CISD3: variants seen among roughly 807,000 people sequenced by gnomAD.
The protein encoded by CISD3 is CDGSH iron-sulfur domain-containing protein 3, mitochondrial.
Under a neutral mutation model 14.1 loss-of-function variants are expected in CISD3, and 11 were observed. The observed-to-expected ratio is 0.78, with a 90% CI of 0.49 to 1.29. The LOEUF is 1.29. CISD3 is among the 50% of genes most tolerant of loss of function. The pLI is 0.00. For synonymous variants in CISD3, 53 were observed against 69.2 expected (o/e 0.77, Z 1.16); for missense variants, 156 against 171.6 (o/e 0.91, Z 0.51).
At chr17:38,732,366 G>A (rs557019694) in intron 3 of CISD3, among the ~76,000 whole-genome samples, 1 of 152,268 alleles carries the variant, frequency 6.6e-6, no homozygotes, top group East Asian at 1.9e-4. Context: ...CAGGCGAGGT[G>A]GCTCACCTGT....
intron 2 of CISD3, 100 bp from the exon 3 acceptor site, chr17:38,731,220 C>A: frequency 6.8e-7 from 1 of 1,466,392 alleles, no homozygotes; most frequent in Non-Finnish European, 9.1e-7. Context: ...AGGAAACCTG[C>A]CACACACACA....
chr17:38,732,115 C>T (rs919919580), intron 3 of CISD3, among the ~76,000 whole-genome samples: 2 of 152,162 alleles, frequency 1.3e-5, no homozygotes, highest in Non-Finnish European at 2.9e-5. Context: ...AGGAGCCTTT[C>T]GTCCCAGCAG....
intron 1 of CISD3, 159 bp from the exon 2 acceptor site, chr17:38,730,601 G>C: frequency 1.2e-6 from 1 of 864,990 alleles, no homozygotes; most frequent in East Asian, 2.7e-5. Flanking sequence ...ACCTTCTCTT[G>C]CGACCTTTTT....
chr17:38,731,703 T>C lies in CISD3; in HGVS notation c.204+264T>C, dbSNP rs1906342144. 6 of 488,170 alleles carry C rather than the reference T, an allele frequency of 1.2e-5. No individual in the cohort carries two copies. In the East Asian group the frequency reaches 2.1e-4, roughly 17 times the overall value. 30.2% of individuals were successfully genotyped at this position (488,170 alleles called of 1,614,324 possible). A position where few individuals can be genotyped will look rare whatever the true frequency, so the allele number is the denominator to read the frequency against. ...CAGTGGGCTCTTCTGGAGCTGTTTG[T>C]TTCTCAGAGGTGCACTGCATGGCGA... On this transcript the variant is annotated intron_variant, in intron 3 of 3. Coordinates refer to ENST00000613478, the MANE Select transcript of CISD3 (RefSeq NM_001136498.2).
Position 38,734,422 on chromosome 17 carries a change from G to A in CISD3, c.*967G>A, listed in dbSNP as rs1450816491. 2 of 152,158 alleles carry A rather than the reference G, an allele frequency of 1.3e-5. No homozygotes were observed. Among genetic ancestry groups the A allele is most frequent in the Non-Finnish European group, 2.9e-5 (2 of 68,036 alleles). The allele number at this position is 152,158 out of a possible 1,614,324, so 9.4% of individuals were successfully genotyped here. On this transcript the variant is annotated 3_prime_UTR_variant, in exon 4 of 4. Coordinates refer to ENST00000613478, the MANE Select transcript of CISD3 (RefSeq NM_001136498.2). Reference sequence around the variant, plus strand: ...TGAGGGTAAGGTTGGTGGGGGTGCAGCGCTTCACAATGCTAAAGCCTTAGC... The same window carrying A: ...TGAGGGTAAGGTTGGTGGGGGTGCAACGCTTCACAATGCTAAAGCCTTAGC...
rs1906452456 is a variant in CISD3 at position 38,733,584 on chromosome 17, G to T, written c.*129G>T. On this transcript the variant is annotated 3_prime_UTR_variant, in exon 4 of 4. Coordinates refer to ENST00000613478, the MANE Select transcript of CISD3 (RefSeq NM_001136498.2). The stretch of plus-strand genomic sequence containing the variant: ...TACCCACTGCTGGCTCATGAAGGAA[G>T]AATTATTCCTTATAACCTAAAAGTC... The T allele has an allele frequency of 7.2e-6, 7 of 966,134 alleles. No individual in the cohort carries two copies. The highest frequency in any genetic ancestry group is 1.8e-5 in the South Asian group (1 of 55,760). 59.8% of individuals were successfully genotyped at this position (966,134 alleles called of 1,614,324 possible). A position where few individuals can be genotyped will look rare whatever the true frequency, so the allele number is the denominator to read the frequency against.
At position 38,735,201 on chromosome 17, in the gene CISD3, A is replaced by C; in HGVS notation, c.*1746A>C. 7.2e-7 allele frequency: 1 copy of C among 1,382,352 alleles called. No homozygotes were observed. The highest frequency in any genetic ancestry group is 9.5e-7 in the Non-Finnish European group (1 of 1,057,920). The allele number at this position is 1,382,352 out of a possible 1,614,324, so 85.6% of individuals were successfully genotyped here. ...GAAGGAGTGGAGAGGCTTGGCTGGAAGAAGGGAGAGGGTCCCTGGCCTCAA... is the reference window on the plus strand; with the variant it reads ...GAAGGAGTGGAGAGGCTTGGCTGGACGAAGGGAGAGGGTCCCTGGCCTCAA... On this transcript the variant is annotated 3_prime_UTR_variant, in exon 4 of 4. Coordinates refer to ENST00000613478, the MANE Select transcript of CISD3 (RefSeq NM_001136498.2).
In CISD3 at chr17:38,732,392, C is replaced by T. The variant is rs140385765; in HGVS notation, c.205-884C>T. On this transcript the variant is annotated intron_variant, in intron 3 of 3. Transcript: ENST00000613478. ...GCTCACCTGTAATCCCAGCACTTTG[C>T]GAGGCCAAGGCAGGAGGCTCTTTTG... 2.1e-3 allele frequency among the ~76,000 whole-genome samples: 327 copies of T among 152,210 alleles called. 1 individual carries two copies. Among genetic ancestry groups the T allele is most frequent in the East Asian group, 9.7e-4 (5 of 5,176 alleles).
In CISD3 at chr17:38,733,398, C is replaced by T. The variant is rs970755680; in HGVS notation, c.327C>T (p.Cys109=). 1.6e-5 allele frequency: 25 copies of T among 1,551,420 alleles called. No individual in the cohort carries two copies. The highest frequency in any genetic ancestry group is 9.8e-5 in the Admixed American group (5 of 50,980). ...TCKATQRPPY[C]DGTHRSERVQ... ...AGGCCACTCAGAGGCCCCCGTACTG[C>T]GATGGCACCCACAGGAGTGAGCGCG... is the stretch of plus-strand genomic sequence containing the variant. The change falls in exon 4 of 4, where the codon TGC becomes TGT. Residue 109 remains cysteine, a synonymous_variant. Coordinates refer to ENST00000613478, the MANE Select transcript of CISD3 (RefSeq NM_001136498.2).
chr17:38,734,006 C>T lies in CISD3; in HGVS notation c.*551C>T. ...AGGACAAGGTGCAAACACAGACAAGCCCATCAGGGGGCTCCCAACCCCACA... is the reference window on the plus strand; with the variant it reads ...AGGACAAGGTGCAAACACAGACAAGTCCATCAGGGGGCTCCCAACCCCACA... On this transcript the variant is annotated 3_prime_UTR_variant, in exon 4 of 4. Transcript: ENST00000613478. 6.5e-6 allele frequency: 1 copy of T among 153,030 alleles called. No homozygotes were observed. The highest frequency in any genetic ancestry group is 1.5e-5 in the Non-Finnish European group (1 of 68,580). 9.5% of individuals were successfully genotyped at this position (153,030 alleles called of 1,614,324 possible).
Position 38,730,740 on chromosome 17 carries a change from C to T in CISD3, c.49-20C>T, listed in dbSNP as rs1217893965. ...CAAACCACCGTCTTGTGATGCCTGCCATGCTTGCGTACCTTGCAGGACCTG... is the reference window on the plus strand; with the variant it reads ...CAAACCACCGTCTTGTGATGCCTGCTATGCTTGCGTACCTTGCAGGACCTG... On this transcript the variant is annotated intron_variant, in intron 1 of 3. Coordinates refer to ENST00000613478, the MANE Select transcript of CISD3 (RefSeq NM_001136498.2). 6.4e-6 allele frequency: 10 copies of T among 1,551,638 alleles called. No homozygotes were observed. The highest frequency in any genetic ancestry group is 3.3e-4 in the Middle Eastern group (2 of 5,992).
chr17:38,730,542 C>A (rs922752932), intron 1 of CISD3, 136 bp downstream of exon 1: 1 of 919,436 alleles, frequency 1.1e-6, no homozygotes, highest in Non-Finnish European at 1.6e-6. Context: ...TGCCTCAGCT[C>A]ACAGGCTTTT....
At position 38,730,366 on chromosome 17, in the gene CISD3, G is replaced by A. The variant is rs1906274626; in HGVS notation, c.8G>A (p.Gly3Asp). 1.7e-6 allele frequency: 2 copies of A among 1,176,190 alleles called. No individual in the cohort carries two copies. The highest frequency in any genetic ancestry group is 2.1e-6 in the Non-Finnish European group (2 of 952,616). The allele number at this position is 1,176,190 out of a possible 1,614,324, so 72.9% of individuals were successfully genotyped here. MR[G>D]AGAILRPAAR... The stretch of plus-strand genomic sequence containing the variant: ...GCGGCGCGGGAGGCGACCATGCGCG[G>A]CGCGGGGGCGATCCTGCGGCCGGCG... Residue 3 changes from glycine to aspartate, a missense_variant, in exon 1 of 4, where the codon GGC becomes GAC. Coordinates refer to ENST00000613478, the MANE Select transcript of CISD3 (RefSeq NM_001136498.2).
At chr17:38,730,538 A>C in intron 1 of CISD3, 132 bp downstream of exon 1, 1 of 906,884 alleles carries the variant, frequency 1.1e-6, no homozygotes, top group Non-Finnish European at 1.6e-6. Context: ...GGCTTGCCTC[A>C]GCTCACAGGC....
intron 2 of CISD3, 179 bp from the exon 3 acceptor site, chr17:38,731,141 C>T (rs918929345): frequency 1.2e-6 from 1 of 845,876 alleles, no homozygotes; most frequent in Non-Finnish European, 1.8e-6. Flanking sequence ...TCTCCCTGTC[C>T]AAAGCTCACG....
Position 38,734,515 on chromosome 17 carries a change from C to CCA in CISD3, c.*1069_*1070dup, listed in dbSNP as rs959255899. The CCA allele has an allele frequency of 1.4e-5, 2 of 138,094 alleles. No homozygotes were observed. The highest frequency in any genetic ancestry group is 5.5e-5 in the African/African-American group (2 of 36,134). The allele number at this position is 138,094 out of a possible 1,614,324, so 8.6% of individuals were successfully genotyped here. A position where few individuals can be genotyped will look rare whatever the true frequency, so the allele number is the denominator to read the frequency against. On this transcript the variant is annotated 3_prime_UTR_variant, in exon 4 of 4. Transcript: ENST00000613478. ...TTCCACAAGATAAATGATGCAAAGG[C>CCA]CACACACACAGGAAAAAAAAAAAAA... is the stretch of plus-strand genomic sequence containing the variant.
rs1418977022 is a variant in CISD3 at position 38,731,737 on chromosome 17, TG to T, written c.204+300del. 21 of 348,488 alleles carry T rather than the reference TG, an allele frequency of 6.0e-5. No individual in the cohort carries two copies. The Admixed American group carries it at 8.4e-4, about 14-fold the overall frequency. The allele number at this position is 348,488 out of a possible 1,614,324, so 21.6% of individuals were successfully genotyped here. A position where few individuals can be genotyped will look rare whatever the true frequency, so the allele number is the denominator to read the frequency against. On this transcript the variant is annotated intron_variant, in intron 3 of 3. Coordinates refer to ENST00000613478, the MANE Select transcript of CISD3 (RefSeq NM_001136498.2). ...GGTGCACTGCATGGCGAAGCTCACC[TG>T]GCCCTTCCCTGTCTCCTTCCAGGAA... is the stretch of plus-strand genomic sequence containing the variant.
intron 3 of CISD3, among the ~76,000 whole-genome samples, chr17:38,732,145 G>T (rs1414654758): frequency 6.6e-6 from 1 of 152,228 alleles, no homozygotes; most frequent in Admixed American, 6.5e-5. Context: ...CATATTGTTT[G>T]CCTCCCTGGC....
Position 38,734,696 on chromosome 17 carries a change from T to C in CISD3, c.*1241T>C, listed in dbSNP as rs708692. ...AGCAATTTCTGGACATTCAACAACG[T>C]GGGGGGCGGCCACTGGTCAGAGGCA... On this transcript the variant is annotated 3_prime_UTR_variant, in exon 4 of 4. Coordinates refer to ENST00000613478, the MANE Select transcript of CISD3 (RefSeq NM_001136498.2). 0.48 allele frequency: 72,955 copies of C among 152,478 alleles called. 17,665 individuals carry two copies. Among genetic ancestry groups the C allele is most frequent in the Middle Eastern group, 0.52 (153 of 296 alleles). 9.4% of individuals were successfully genotyped at this position (152,478 alleles called of 1,614,324 possible).
Sources: allele counts gnomAD v4.1 joint callset (sites outside exome capture counted in the v4.1 genomes callset), GRCh38; gene constraint gnomAD v4.1.1; transcripts MANE v1.5; gene names NCBI Gene and HGNC (gene_info 2026-07-23, HGNC 2026-07-21).